The following LRRC49 variants were observed in gnomAD, a reference collection of about 807,000 sequenced individuals.
The protein encoded by LRRC49 is leucine-rich repeat-containing protein 49.
A neutral mutation model predicts 83.3 loss-of-function variants in LRRC49; 50 were observed. The observed-to-expected ratio is 0.60, with a 90% CI of 0.48 to 0.76. LRRC49 has a LOEUF of 0.76. Ranked by LOEUF, LRRC49 falls within the 30% of genes least tolerant of loss-of-function variation. The probability of loss-of-function intolerance (pLI) is 0.00; values close to 1 mark genes in which losing one functional copy is unlikely to be tolerated. For missense variants in LRRC49, 704 were observed against 809.1 expected (o/e 0.87, Z 1.58); for synonymous variants, 286 against 283.3 (o/e 1.01, Z -0.10).
chr15:70,963,798 T>C lies in LRRC49; in HGVS notation c.787T>C (p.Ser263Pro). 6.2e-7 allele frequency: 1 copy of C among 1,613,472 alleles called. No individual in the cohort carries two copies. The highest frequency in any genetic ancestry group is 2.2e-5 in the East Asian group (1 of 44,866). ...FNNISSFDSV[S>P]CLADSSSLSD... Reference sequence around the variant, plus strand: ...TCTCTCCTGCAGTTTTGACAGTGTTTCCTGCCTTGCTGACTCTTCTTCCCT... The same window carrying C: ...TCTCTCCTGCAGTTTTGACAGTGTTCCCTGCCTTGCTGACTCTTCTTCCCT... The change falls in exon 9 of 16, where the codon TCC becomes CCC. Residue 263 changes from serine (S) to proline (P), a missense_variant. Around this residue, in one of 3 missense-constraint regions of LRRC49, gnomAD observed 261 missense variants for 330.5 expected, o/e 0.79. Transcript: ENST00000260382.
At chr15:71,007,670 A>G (rs1025679265) in intron 11 of LRRC49, among the ~76,000 whole-genome samples, 1 of 148,592 alleles carries the variant, frequency 6.7e-6, no homozygotes, top group African/African-American at 2.5e-5. Context: ...TCTACCTTGG[A>G]AATAATAATT....
intron 9 of LRRC49, among the ~76,000 whole-genome samples, chr15:70,966,786 T>C (rs2036810237): frequency 6.6e-6 from 1 of 151,990 alleles, no homozygotes; most frequent in South Asian, 2.1e-4. Flanking sequence ...AACTCACGAG[T>C]TTCTGTACTA....
At chr15:71,009,289 T>C (rs544417217) in intron 12 of LRRC49, among the ~76,000 whole-genome samples, 1 of 152,014 alleles carries the variant, frequency 6.6e-6, no homozygotes, top group South Asian at 2.1e-4. Flanking sequence ...ACAGAATGCT[T>C]GCGTTAACAT....
intron 6 of LRRC49, among the ~76,000 whole-genome samples, chr15:70,914,039 C>G (rs1021139328): frequency 4.0e-5 from 6 of 151,508 alleles, no homozygotes; most frequent in Admixed American, 6.6e-5. Context: ...GCACAAATTA[C>G]TTCTCAAGGT....
chr15:70,924,840 C>G (rs2141140041), intron 7 of LRRC49, among the ~76,000 whole-genome samples: 1 of 152,078 alleles, frequency 6.6e-6, no homozygotes, highest in Non-Finnish European at 1.5e-5. Flanking sequence ...ACTTGACTGA[C>G]AGTTATTTTT....
At chr15:70,988,283 AG>A (rs1252749419) in intron 11 of LRRC49, among the ~76,000 whole-genome samples, 3 of 149,346 alleles carry the variant, frequency 2.0e-5, no homozygotes, top group East Asian at 2.0e-4. Context: ...GTCTCTTTGT[AG>A]GTCACTCAGG....
intron 5 of LRRC49, among the ~76,000 whole-genome samples, chr15:70,905,238 T>A (rs975362811): frequency 8.5e-5 from 13 of 152,256 alleles, no homozygotes; most frequent in Non-Finnish European, 1.5e-4. Context: ...TATACAACTC[T>A]ATTCCGTAGT....
At chr15:70,929,559 A>G (rs1479410759) in intron 7 of LRRC49, among the ~76,000 whole-genome samples, 1 of 152,110 alleles carries the variant, frequency 6.6e-6, no homozygotes, top group Admixed American at 6.6e-5. Context: ...TGTGGCGTAA[A>G]ACTCAGACAA....
intron 1 of LRRC49, 101 bp downstream of exon 1, chr15:70,893,043 T>C (rs2033656230): frequency 7.5e-7 from 1 of 1,327,616 alleles, no homozygotes; most frequent in Non-Finnish European, 1.1e-6. Flanking sequence ...CCGGCACCGC[T>C]GGGTCTACTC....
intron 6 of LRRC49, among the ~76,000 whole-genome samples, chr15:70,917,524 A>G (rs2034832527): frequency 6.6e-6 from 1 of 152,180 alleles, no homozygotes; most frequent in African/African-American, 2.4e-5. Flanking sequence ...CCATCTGCAG[A>G]GAGGAGCAAC....
intron 8 of LRRC49, among the ~76,000 whole-genome samples, chr15:70,949,370 A>C (rs2036132475): frequency 6.6e-6 from 1 of 152,206 alleles, no homozygotes; most frequent in Admixed American, 6.5e-5. Flanking sequence ...ATCATACCGC[A>C]ACTTATTACA....
intron 2 of LRRC49, chr15:70,882,934 CATATT>C (rs755198125): frequency 6.2e-7 from 1 of 1,612,382 alleles, no homozygotes; most frequent in Non-Finnish European, 8.5e-7. Context: ...AGAGGAGAAA[CATATT>C]AAAGTGTACC....
intron 2 of LRRC49, chr15:70,882,857 A>T (rs1003597602): frequency 1.9e-6 from 3 of 1,613,992 alleles, no homozygotes; most frequent in Non-Finnish European, 1.7e-6. Flanking sequence ...ACAGTATTAG[A>T]TGGATTATCA....
intron 5 of LRRC49, among the ~76,000 whole-genome samples, chr15:70,909,542 G>C (rs1381956385): frequency 2.6e-5 from 4 of 152,068 alleles, no homozygotes; most frequent in African/African-American, 7.2e-5. Flanking sequence ...GAAAAATTGT[G>C]TTGAAAGTTG....
At chr15:70,934,075 A>G (rs907813616) in intron 7 of LRRC49, among the ~76,000 whole-genome samples, 9 of 152,174 alleles carry the variant, frequency 5.9e-5, no homozygotes, top group Non-Finnish European at 1.3e-4. Context: ...CCTGCTATAC[A>G]GATTTCATCC....
chr15:70,892,388 C>T (rs562942464), upstream of LRRC49: 286 of 1,544,668 alleles, frequency 1.9e-4, 3 homozygotes, highest in South Asian at 3.2e-3. Context: ...CACTCCGGGT[C>T]GGGATTGTTT....
chr15:70,882,692 C>G (rs777413231), intron 2 of LRRC49: 1 of 1,610,988 alleles, frequency 6.2e-7, no homozygotes, highest in Non-Finnish European at 8.5e-7. Flanking sequence ...TTAGACTTTG[C>G]TTTTCATATA....
chr15:70,856,059 G>T (rs1291150306), intron 1 of LRRC49, among the ~76,000 whole-genome samples: 1 of 152,108 alleles, frequency 6.6e-6, no homozygotes, highest in Admixed American at 6.5e-5. Flanking sequence ...CACAATGATG[G>T]CTCACATTCA....
chr15:71,043,516 G>A (rs540105980), intron 15 of LRRC49, among the ~76,000 whole-genome samples: 3 of 152,280 alleles, frequency 2.0e-5, no homozygotes, highest in Non-Finnish European at 2.9e-5. Flanking sequence ...GACAGGTCAG[G>A]GCAAGAGAGG....
Sources: allele counts gnomAD v4.1 joint callset (sites outside exome capture counted in the v4.1 genomes callset), GRCh38; gene constraint gnomAD v4.1.1; regional missense constraint gnomAD v4.1.1; transcripts MANE v1.5; gene names NCBI Gene and HGNC (gene_info 2026-07-23, HGNC 2026-07-21).